Variants in SCAPER observed in about 807,000 individuals in gnomAD.
SCAPER encodes S-phase cyclin A associated protein in the ER, also known as S phase cyclin A-associated protein in the endoplasmic reticulum.
A neutral mutation model predicts 182.2 loss-of-function variants in SCAPER; 98 were observed. That is an observed-to-expected ratio of 0.54 (90% CI 0.46 to 0.64). The LOEUF (loss-of-function observed/expected upper bound fraction) is 0.64, where lower values mean the gene tolerates loss of function less well. Among genes scored for constraint, SCAPER ranks in the 30% least tolerant of loss-of-function variants. The probability of loss-of-function intolerance (pLI) is 0.00; values close to 1 mark genes in which losing one functional copy is unlikely to be tolerated. For synonymous variants in SCAPER, 605 were observed against 564.6 expected (o/e 1.07, Z -1.01); for missense variants, 1,432 against 1,690.0 (o/e 0.85, Z 2.68).
intron 17 of SCAPER, among the ~76,000 whole-genome samples, chr15:76,711,234 A>G (rs2059546323): frequency 6.6e-6 from 1 of 152,190 alleles, no homozygotes; most frequent in Non-Finnish European, 1.5e-5. Flanking sequence ...ACATTCTTCA[A>G]AGACACTATT....
At chr15:76,505,284 A>G (rs2041476560) in intron 23 of SCAPER, among the ~76,000 whole-genome samples, 1 of 152,192 alleles carries the variant, frequency 6.6e-6, no homozygotes, top group African/African-American at 2.4e-5. Context: ...ACAGCAAAGG[A>G]AACAATCCAC....
At position 76,862,490 on chromosome 15, in the gene SCAPER, A is replaced by G; in HGVS notation, c.50T>C (p.Ile17Thr). The change falls in exon 3 of 32, where the codon ATA (isoleucine) becomes ACA (threonine). Residue 17 changes from isoleucine to threonine, a missense_variant. Ile to Thr is a moderately conservative substitution (Grantham distance 89). Around this residue, in one of 5 missense-constraint regions of SCAPER, gnomAD observed 480 missense variants for 510.2 expected, o/e 0.94. Coordinates refer to ENST00000563290, the MANE Select transcript of SCAPER (RefSeq NM_020843.4). ...RSNSHDKVRRIVAEEGRTARN... is the reference protein window; with the variant it reads ...RSNSHDKVRRTVAEEGRTARN... Reference sequence around the variant, plus strand: ...TGCTGTACGACCCTCCTCTGCAACTATTCTCCTTACTTTGTCATGACTATT... The same window carrying G: ...TGCTGTACGACCCTCCTCTGCAACTGTTCTCCTTACTTTGTCATGACTATT... 2 of 1,613,348 alleles carry G rather than the reference A, an allele frequency of 1.2e-6. No individual in the cohort carries two copies. The highest frequency in any genetic ancestry group is 1.7e-6 in the Non-Finnish European group (2 of 1,179,592).
intron 17 of SCAPER, among the ~76,000 whole-genome samples, chr15:76,717,988 C>A (rs182431096): frequency 4.7e-4 from 71 of 152,252 alleles, no homozygotes; most frequent in African/African-American, 1.7e-3. Flanking sequence ...TTCTAGTCCA[C>A]ATGGATCATT....
rs1402702602 is a variant in SCAPER, at chr15:76,804,611, T to C, written c.416A>G (p.Asn139Ser). 2.5e-6 allele frequency: 4 copies of C among 1,608,554 alleles called. No homozygotes were observed. In the African/African-American group the frequency reaches 5.3e-5, roughly 22 times the overall value. Residue 139 changes from asparagine to serine, a missense_variant, in exon 6 of 32, where the codon AAC (asparagine) becomes AGC (serine). Transcript: ENST00000563290. ...ECKEVLMMLD[N>S]YVRDFKALID... is the part of the protein sequence containing the mutation. The stretch of plus-strand genomic sequence containing the variant: ...CAATGCTTTGAAATCTCTTACATAG[T>C]TATCCAGCATCATTAGCACCTCCTA...
At chr15:76,556,758 A>G (rs946561470) in intron 23 of SCAPER, among the ~76,000 whole-genome samples, 3 of 152,138 alleles carry the variant, frequency 2.0e-5, no homozygotes, top group African/African-American at 7.2e-5. Context: ...AAAAAGCCAC[A>G]GCAATCAGGC....
At chr15:76,665,597 A>G (rs2056513138) in intron 21 of SCAPER, 56 bp downstream of exon 21, 2 of 1,510,712 alleles carry the variant, frequency 1.3e-6, no homozygotes, top group African/African-American at 2.8e-5. Flanking sequence ...TTGGATTTAC[A>G]TTAAAAGATA....
chr15:76,395,357 T>C (rs1002338760), intron 27 of SCAPER, among the ~76,000 whole-genome samples: 1 of 152,228 alleles, frequency 6.6e-6, no homozygotes, highest in Non-Finnish European at 1.5e-5. Context: ...CTTTTGGGTA[T>C]ATACCCAGCA....
chr15:76,418,805 G>C (rs889679118), intron 26 of SCAPER, among the ~76,000 whole-genome samples: 1 of 152,224 alleles, frequency 6.6e-6, no homozygotes, highest in African/African-American at 2.4e-5. Flanking sequence ...TCTGGCCTGA[G>C]AGCTGGATCA....
intron 2 of SCAPER, among the ~76,000 whole-genome samples, chr15:76,875,899 G>A (rs12903586): frequency 0.33 from 50,119 of 152,032 alleles, 8,544 homozygotes; most frequent in East Asian, 0.55. Context: ...GAGGAGGCTC[G>A]GGCCGCGCAG....
chr15:76,659,324 A>G (rs765475527), intron 21 of SCAPER, among the ~76,000 whole-genome samples: 1 of 152,116 alleles, frequency 6.6e-6, no homozygotes, highest in Non-Finnish European at 1.5e-5. Context: ...AGGCTGGAGT[A>G]TAGTGGTACA....
intron 15 of SCAPER, among the ~76,000 whole-genome samples, chr15:76,734,040 A>G (rs2061085919): frequency 6.6e-6 from 1 of 152,248 alleles, no homozygotes; most frequent in Admixed American, 6.5e-5. Flanking sequence ...ATTTGCAACT[A>G]TACAAATTAC....
intron 23 of SCAPER, among the ~76,000 whole-genome samples, chr15:76,553,678 C>T (rs1050889958): frequency 6.6e-6 from 1 of 152,144 alleles, no homozygotes. Context: ...TTGGTCCCAG[C>T]CCCCGAGAGT....
chr15:76,694,077 T>C (rs2058523007), intron 20 of SCAPER, among the ~76,000 whole-genome samples: 1 of 152,110 alleles, frequency 6.6e-6, no homozygotes, highest in African/African-American at 2.4e-5. Context: ...CTCAGGTTTT[T>C]TTTTTTGTGA....
In SCAPER at chr15:76,693,857, T is replaced by C. The variant is rs574224685; in HGVS notation, c.2508+7901A>G. On this transcript the variant is annotated intron_variant, in intron 20 of 31. Coordinates refer to ENST00000563290, the MANE Select transcript of SCAPER (RefSeq NM_020843.4). Reference sequence around the variant, plus strand: ...GAGGGAATGGAAAGTTAATGTTTAATAGGCACAGAGTTTCAGATGTTCAAG... The same window carrying C: ...GAGGGAATGGAAAGTTAATGTTTAACAGGCACAGAGTTTCAGATGTTCAAG... Among the ~76,000 whole-genome samples, 3 of 151,294 alleles carry C rather than the reference T, an allele frequency of 2.0e-5. No individual in the cohort carries two copies. In the East Asian group the frequency reaches 5.8e-4, roughly 29 times the overall value.
intron 29 of SCAPER, among the ~76,000 whole-genome samples, chr15:76,363,666 A>C (rs2041606089): frequency 6.6e-6 from 1 of 152,234 alleles, no homozygotes; most frequent in South Asian, 2.1e-4. Flanking sequence ...GTCAGAGACA[A>C]GGTGTCCTTA....
chr15:76,887,171 A>T (rs1372389310), intron 1 of SCAPER, among the ~76,000 whole-genome samples: 1 of 152,208 alleles, frequency 6.6e-6, no homozygotes, highest in Non-Finnish European at 1.5e-5. Flanking sequence ...TCAAAAAAAG[A>T]AAGTCTGAGT....
At chr15:76,864,871 C>A (rs1246447510) in intron 2 of SCAPER, among the ~76,000 whole-genome samples, 2 of 152,028 alleles carry the variant, frequency 1.3e-5, no homozygotes, top group East Asian at 3.9e-4. Flanking sequence ...GAAATAAATT[C>A]AAATTACTAA....
chr15:76,872,971 C>T (rs1055916392), intron 2 of SCAPER, among the ~76,000 whole-genome samples: 9 of 151,064 alleles, frequency 6.0e-5, no homozygotes, highest in African/African-American at 1.5e-4. Flanking sequence ...AATGTTGGGC[C>T]GGGCACAGTA....
intron 23 of SCAPER, among the ~76,000 whole-genome samples, chr15:76,559,614 C>G (rs1220147110): frequency 6.6e-6 from 1 of 152,082 alleles, no homozygotes; most frequent in East Asian, 1.9e-4. Context: ...GAACTGGAGG[C>G]CATTATCCTA....
Sources: allele counts gnomAD v4.1 joint callset (sites outside exome capture counted in the v4.1 genomes callset), GRCh38; gene constraint gnomAD v4.1.1; regional missense constraint gnomAD v4.1.1; transcripts MANE v1.5; gene names NCBI Gene and HGNC (gene_info 2026-07-23, HGNC 2026-07-21).